Variants in ERC1 observed in about 807,000 individuals in gnomAD.
ERC1 encodes the protein ELKS/RAB6-interacting/CAST family member 1.
In ERC1, 56 loss-of-function variants were observed where a neutral mutation model predicts 132.0. That is an observed-to-expected ratio of 0.42 (90% confidence interval 0.34 to 0.53). ERC1 has a LOEUF of 0.53. Among genes scored for constraint, ERC1 ranks in the 20% least tolerant of loss-of-function variants. The probability of loss-of-function intolerance (pLI) is 0.03; values close to 1 mark genes in which losing one functional copy is unlikely to be tolerated. For missense variants in ERC1, 1,202 were observed against 1,349.9 expected (o/e 0.89, Z 1.72); for synonymous variants, 478 against 476.1 (o/e 1.00, Z -0.05).
At chr12:1,386,469 GAAA>G (rs2089362874) in intron 16 of ERC1, 1 of 148,642 alleles carries the variant, frequency 6.7e-6, no homozygotes, top group African/African-American at 2.5e-5. Context: ...CCAACATGGT[GAAA>G]CCCCGTCTCT....
chr12:1,273,598 C>T (rs1432958184), intron 14 of ERC1, among the ~76,000 whole-genome samples: 1 of 152,150 alleles, frequency 6.6e-6, no homozygotes, highest in Non-Finnish European at 1.5e-5. Context: ...CTGTTGAACA[C>T]TTAAAATTTG....
chr12:1,277,305 C>A (rs1336488871), intron 14 of ERC1, among the ~76,000 whole-genome samples: 1 of 152,230 alleles, frequency 6.6e-6, no homozygotes, highest in African/African-American at 2.4e-5. Context: ...CAGGTATAAA[C>A]TGATTAGAAT....
chr12:994,165 A>G (rs963548265), intron 1 of ERC1, among the ~76,000 whole-genome samples: 13 of 151,990 alleles, frequency 8.6e-5, no homozygotes, highest in Admixed American at 8.5e-4. Context: ...GAGAGTTGTT[A>G]AATGTGTATT....
chr12:1,201,235 A>T (rs1014195701), intron 12 of ERC1, among the ~76,000 whole-genome samples: 1 of 152,190 alleles, frequency 6.6e-6, no homozygotes, highest in Non-Finnish European at 1.5e-5. Context: ...GGATACACGT[A>T]CAAGTAAATG....
intron 1 of ERC1, among the ~76,000 whole-genome samples, chr12:1,023,565 G>A (rs1378117843): frequency 6.6e-6 from 1 of 152,188 alleles, no homozygotes; most frequent in East Asian, 1.9e-4. Context: ...TCTCAAAGGA[G>A]AAGTAAAAAA....
chr12:1,198,192 T>C (rs1956523011), intron 12 of ERC1, among the ~76,000 whole-genome samples: 1 of 152,158 alleles, frequency 6.6e-6, no homozygotes, highest in East Asian at 1.9e-4. Flanking sequence ...CATCCCAAAG[T>C]GATACGATTA....
At chr12:1,153,283 A>G (rs1336904437) in intron 8 of ERC1, among the ~76,000 whole-genome samples, 1 of 152,232 alleles carries the variant, frequency 6.6e-6, no homozygotes, top group African/African-American at 2.4e-5. Flanking sequence ...TCTGTTCTAG[A>G]ACTCTGATAG....
intron 15 of ERC1, among the ~76,000 whole-genome samples, chr12:1,309,188 C>T (rs1255253110): frequency 1.3e-5 from 2 of 152,256 alleles, no homozygotes; most frequent in East Asian, 1.9e-4. Context: ...TAAGATACAC[C>T]GCAACCATCA....
chr12:1,196,406 TGTTTA>T, intron 12 of ERC1, among the ~76,000 whole-genome samples: 1 of 152,302 alleles, frequency 6.6e-6, no homozygotes, highest in East Asian at 1.9e-4. Context: ...TAATGCAGTT[TGTTTA>T]GTTATATTTG....
chr12:1,450,596 C>T (rs1202748592), intron 18 of ERC1, among the ~76,000 whole-genome samples: 2 of 152,184 alleles, frequency 1.3e-5, no homozygotes, highest in Admixed American at 6.5e-5. Flanking sequence ...ATAGTGCTAC[C>T]GTGAACACGG....
intron 7 of ERC1, among the ~76,000 whole-genome samples, chr12:1,134,361 T>TA (rs1949050869): frequency 6.6e-6 from 1 of 151,440 alleles, no homozygotes; most frequent in Non-Finnish European, 1.5e-5. Context: ...TTTTTTTTTT[T>TA]AAAGATACAG....
chr12:1,113,060 CTATTTACATTGTAAA>C (rs1365462248), intron 6 of ERC1, among the ~76,000 whole-genome samples: 2 of 152,060 alleles, frequency 1.3e-5, no homozygotes, highest in South Asian at 2.1e-4. Context: ...AGTATGACAA[CTATTTACATTGTAAA>C]TATTTACATT....
intron 17 of ERC1, among the ~76,000 whole-genome samples, chr12:1,441,022 A>C (rs1292381809): frequency 6.6e-6 from 1 of 151,890 alleles, no homozygotes; most frequent in Non-Finnish European, 1.5e-5. Context: ...TTATTTAATC[A>C]ATTAGCCATC....
chr12:1,058,790 T>TTG (rs1973476797), intron 2 of ERC1, among the ~76,000 whole-genome samples: 2 of 510 alleles, frequency 3.9e-3, no homozygotes, highest in South Asian at 0.12. Context: ...GGAAAGTATG[T>TTG]TTTTTTTTTT....
intron 13 of ERC1, among the ~76,000 whole-genome samples, chr12:1,246,249 A>C (rs1300840670): frequency 6.6e-6 from 1 of 152,196 alleles, no homozygotes; most frequent in Non-Finnish European, 1.5e-5. Context: ...AATTGCCTAT[A>C]GGTGGGAGAG....
intron 17 of ERC1, among the ~76,000 whole-genome samples, chr12:1,419,505 A>C (rs1232348885): frequency 6.8e-6 from 1 of 147,708 alleles, no homozygotes. Context: ...GCCATCTCTC[A>C]GGTCTCATTC....
intron 2 of ERC1, among the ~76,000 whole-genome samples, chr12:1,059,157 A>G (rs1283416809): frequency 2.6e-5 from 4 of 152,172 alleles, no homozygotes; most frequent in African/African-American, 9.7e-5. Flanking sequence ...GTGTATGGAA[A>G]TGCTACTGAT....
intron 2 of ERC1, among the ~76,000 whole-genome samples, chr12:1,063,282 A>G (rs1354474450): frequency 6.8e-6 from 1 of 146,924 alleles, no homozygotes; most frequent in Non-Finnish European, 1.5e-5. Context: ...AGTTTTTGAG[A>G]TGGAATATTG....
At chr12:1,359,626 T>C (rs1211311639) in intron 15 of ERC1, among the ~76,000 whole-genome samples, 3 of 152,230 alleles carry the variant, frequency 2.0e-5, no homozygotes, top group Admixed American at 1.3e-4. Context: ...AATCCATTCA[T>C]GAAGACACAG....
Sources: allele counts gnomAD v4.1 joint callset (sites outside exome capture counted in the v4.1 genomes callset), GRCh38; gene constraint gnomAD v4.1.1; transcripts MANE v1.5; gene names NCBI Gene and HGNC (gene_info 2026-07-23, HGNC 2026-07-21).